Variants in PPFIA3 observed in about 807,000 individuals in gnomAD.
PPFIA3 encodes PPFI scaffold protein A3.
Under a neutral mutation model 145.8 loss-of-function variants are expected in PPFIA3, and 26 were observed. The ratio of observed to expected loss-of-function variants is 0.18; its 90% confidence interval spans 0.13 to 0.25. PPFIA3 has a LOEUF of 0.25. PPFIA3 is among the 10% of genes least tolerant of loss of function. PPFIA3 has a pLI of 1.00. For missense variants in PPFIA3, 1,008 were observed against 1,587.8 expected, an observed-to-expected ratio of 0.63 and a Z score of 6.21; for synonymous variants, 645 against 661.4, an observed-to-expected ratio of 0.98 and a Z score of 0.38.
rs145981323 is a variant in PPFIA3 at position 49,120,156 on chromosome 19, G to C, written c.-16+434G>C. Reference sequence around the variant, plus strand: ...CGGCTGCGTCCCACGGTCCAGGCAGGCTCGGCGGCCGCCCTGGACACAGGC... The same window carrying C: ...CGGCTGCGTCCCACGGTCCAGGCAGCCTCGGCGGCCGCCCTGGACACAGGC... On this transcript the variant is annotated intron_variant, in intron 1 of 29. Transcript: ENST00000334186. This position sits in a 1 kb window ranked among gnomAD's most constrained non-coding sequence, Gnocchi z 4.6. Among the ~76,000 whole-genome samples the C allele has an allele frequency of 0.018, 2,712 of 152,154 alleles. 69 individuals are homozygous for C. The highest frequency in any genetic ancestry group is 0.054 in the African/African-American group (2,237 of 41,540).
intron 1 of PPFIA3, among the ~76,000 whole-genome samples, chr19:49,124,671 C>T (rs149847377): frequency 2.6e-5 from 4 of 152,284 alleles, no homozygotes; most frequent in African/African-American, 7.2e-5. Context: ...CTATGTCCAG[C>T]CTTGCTGTGT....
chr19:49,139,598 T>C, intron 16 of PPFIA3, 70 bp from the exon 17 acceptor site: 1 of 1,466,472 alleles, frequency 6.8e-7, no homozygotes, highest in Middle Eastern at 1.8e-4. Flanking sequence ...TTAGTAGACA[T>C]CTCAGTTAAT....
chr19:49,126,208 A>G (rs983598380), intron 1 of PPFIA3, among the ~76,000 whole-genome samples: 1 of 151,684 alleles, frequency 6.6e-6, no homozygotes, highest in African/African-American at 2.4e-5. Flanking sequence ...TCAGCCTCCC[A>G]AAGTGCTGGG....
chr19:49,138,290 G>T lies in PPFIA3; in HGVS notation c.1939G>T (p.Gly647Cys). ...RVSSSGLDSL[G>C]RYRSSCSLPP... ...GTCCAGCTCTGGCTTGGACTCGTTG[G>T]GCCGCTACCGCAGCAGCTGCTCCCT... The change falls in exon 16 of 30, where the codon GGC becomes TGC. Residue 647 changes from glycine to cysteine, a missense_variant. Physicochemically the swap from Gly to Cys is radical, Grantham distance 159. Coordinates refer to ENST00000334186, the MANE Select transcript of PPFIA3 (RefSeq NM_003660.4). 6.2e-7 allele frequency: 1 copy of T among 1,613,432 alleles called. No individual in the cohort carries two copies. The highest frequency in any genetic ancestry group is 8.5e-7 in the Non-Finnish European group (1 of 1,179,756).
chr19:49,147,615 T>C (rs10410266), intron 23 of PPFIA3, among the ~76,000 whole-genome samples: 100,188 of 150,972 alleles, frequency 0.66, 34,872 homozygotes, highest in African/African-American at 0.87. Flanking sequence ...GAACCTGGGA[T>C]GGGGAGGTTG....
In PPFIA3 at chr19:49,133,852, G is replaced by A; in HGVS notation, c.1218G>A (p.Leu406=). 1.2e-6 allele frequency: 2 copies of A among 1,613,246 alleles called. No individual in the cohort carries two copies. The highest frequency in any genetic ancestry group is 2.2e-5 in the South Asian group (2 of 91,020). Residue 406 remains leucine (L), a synonymous_variant, in exon 10 of 30, where the codon CTG becomes CTA. Transcript: ENST00000334186. The surrounding 1 kb of genome is among the most constrained non-coding windows in gnomAD (Gnocchi z 7.2). The part of the protein sequence containing the change: ...EERLRQLEAQ[L]EEKNQELQRA... ...GGCTTCGGCAGCTGGAGGCCCAGCTGGAAGAGAAGAATCAAGAGCTGCAGC... is the reference window on the plus strand; with the variant it reads ...GGCTTCGGCAGCTGGAGGCCCAGCTAGAAGAGAAGAATCAAGAGCTGCAGC...
chr19:49,145,934 G>GC lies in PPFIA3; in HGVS notation c.2746-5dup, dbSNP rs2041274512. ...CTCCCACCATCCATTAACACTCCCTGCCCCTCAGTCCACAGGAAACGTGTG... is the reference window on the plus strand; with the variant it reads ...CTCCCACCATCCATTAACACTCCCTGCCCCCTCAGTCCACAGGAAACGTGTG... On this transcript the variant is annotated splice_polypyrimidine_tract_variant and intron_variant, in intron 21 of 29. Transcript: ENST00000334186. 1 of 1,613,524 alleles carries GC rather than the reference G, an allele frequency of 6.2e-7. No individual in the cohort carries two copies.
At chr19:49,126,035 C>T (rs946105938) in intron 1 of PPFIA3, among the ~76,000 whole-genome samples, 1 of 152,102 alleles carries the variant, frequency 6.6e-6, no homozygotes, top group Non-Finnish European at 1.5e-5. Context: ...ACCGCAACCT[C>T]TGCCTCCCGG....
intron 23 of PPFIA3, chr19:49,146,433 T>C (rs1600352062): frequency 1.7e-6 from 1 of 588,946 alleles, no homozygotes; most frequent in South Asian, 2.0e-5. Context: ...CATTTCATCA[T>C]CGTGGGTTGT....
intron 21 of PPFIA3, chr19:49,145,647 C>T (rs943103383): frequency 2.3e-6 from 1 of 442,172 alleles, no homozygotes; most frequent in Non-Finnish European, 4.2e-6. Flanking sequence ...ACTTCTGAAT[C>T]CTCATTCTGT....
In PPFIA3 at chr19:49,131,437, G is replaced by A. The variant is rs144963582; in HGVS notation, c.879+838G>A. Among the ~76,000 whole-genome samples the A allele has an allele frequency of 9.4e-3, 1,397 of 148,992 alleles. 9 individuals are homozygous for A. Among genetic ancestry groups the A allele is most frequent in the Non-Finnish European group, 0.013 (895 of 67,534 alleles). The stretch of plus-strand genomic sequence containing the variant: ...TGACCTCAAGTGATCAGCTCGCCTC[G>A]GCCCAAAGTGCTGGGATTACAGGTG... On this transcript the variant is annotated intron_variant, in intron 7 of 29. Transcript: ENST00000334186.
At chr19:49,132,121 C>A (rs773297280) in intron 7 of PPFIA3, among the ~76,000 whole-genome samples, 1 of 147,806 alleles carries the variant, frequency 6.8e-6, no homozygotes, top group African/African-American at 2.5e-5. Flanking sequence ...GTGCTGGTTG[C>A]TCATGCCTGT....
chr19:49,136,967 C>G, intron 15 of PPFIA3, 56 bp downstream of exon 15: 2 of 1,419,248 alleles, frequency 1.4e-6, no homozygotes, highest in Non-Finnish European at 1.9e-6. Flanking sequence ...ACTCCACAGC[C>G]CTTCTGGCTC....
chr19:49,136,461 C>T (rs927412092), intron 14 of PPFIA3, among the ~76,000 whole-genome samples: 1 of 152,108 alleles, frequency 6.6e-6, no homozygotes, highest in Admixed American at 6.6e-5. Flanking sequence ...TGGTAGCGGG[C>T]GCCTGTAATC....
chr19:49,143,772 G>A (rs955079543), intron 21 of PPFIA3, among the ~76,000 whole-genome samples: 2 of 152,210 alleles, frequency 1.3e-5, no homozygotes, highest in African/African-American at 4.8e-5. Context: ...GCTCTGTTGT[G>A]TGTGTGGGGT....
Position 49,133,557 on chromosome 19 carries a change from C to T in PPFIA3, c.1161+186C>T, listed in dbSNP as rs902067115. Among the ~76,000 whole-genome samples, 1 of 151,736 alleles carries T rather than the reference C, an allele frequency of 6.6e-6. No homozygotes were observed. Among genetic ancestry groups the T allele is most frequent in the Non-Finnish European group, 1.5e-5 (1 of 67,962 alleles). ...AGGGCCTGGAGGTTTGCGCGGGGGA[C>T]GGATGGGAGCGGGGTTCTCTAGCCT... is the stretch of plus-strand genomic sequence containing the variant. On this transcript the variant is annotated intron_variant, in intron 9 of 29. Transcript: ENST00000334186. The surrounding 1 kb of genome is among the most constrained non-coding windows in gnomAD (Gnocchi z 7.2).
At chr19:49,140,123 T>TCCTTCCTC (rs754150967) in intron 18 of PPFIA3, 35 bp downstream of exon 18, 1 of 1,605,952 alleles carries the variant, frequency 6.2e-7, no homozygotes, top group South Asian at 1.1e-5. Context: ...CCTCCTTTGT[T>TCCTTCCTC]CCTTCCTCCC....
rs1484409053 is a variant in PPFIA3, at chr19:49,139,755, G to A, written c.2164G>A (p.Ala722Thr). 6.2e-7 allele frequency: 1 copy of A among 1,614,020 alleles called. No homozygotes were observed. The highest frequency in any genetic ancestry group is 8.5e-7 in the Non-Finnish European group (1 of 1,179,934). Reference protein sequence around the residue: ...GDTPPPTPRSARLERMTQALA... With the variant: ...GDTPPPTPRSTRLERMTQALA... Reference sequence around the variant, plus strand: ...CACCCCACCACCCACTCCCCGCTCTGCCCGTCTTGAGAGAATGACCCAGGC... The same window carrying A: ...CACCCCACCACCCACTCCCCGCTCTACCCGTCTTGAGAGAATGACCCAGGC... The change falls in exon 17 of 30, where the codon GCC becomes ACC. Residue 722 changes from alanine (A) to threonine (T), a missense_variant. By Grantham distance (58) the Ala-to-Thr change is moderately conservative. Coordinates refer to ENST00000334186, the MANE Select transcript of PPFIA3 (RefSeq NM_003660.4).
In PPFIA3 at chr19:49,120,598, CG is replaced by C. The variant is rs1187262047; in HGVS notation, c.-16+877del. 6.6e-6 allele frequency among the ~76,000 whole-genome samples: 1 copy of C among 152,184 alleles called. No homozygotes were observed. The highest frequency in any genetic ancestry group is 1.5e-5 in the Non-Finnish European group (1 of 68,026). On this transcript the variant is annotated intron_variant, in intron 1 of 29. Transcript: ENST00000334186. The surrounding 1 kb of genome is among the most constrained non-coding windows in gnomAD (Gnocchi z 4.6). ...CCAGCGTTTGCTCTGCTTAGAACCC[CG>C]CTGTGCCCTGCAGACACACAGACTT...
Sources: allele counts gnomAD v4.1 joint callset (sites outside exome capture counted in the v4.1 genomes callset), GRCh38; gene constraint gnomAD v4.1.1; non-coding constraint Gnocchi (gnomAD v3.1); transcripts MANE v1.5; gene names NCBI Gene and HGNC (gene_info 2026-07-23, HGNC 2026-07-21).